Variants in DAB1 observed in about 807,000 individuals in gnomAD.
DAB1 encodes disabled homolog 1.
Under a neutral mutation model 64.6 loss-of-function variants are expected in DAB1, and 15 were observed. The ratio of observed to expected loss-of-function variants is 0.23; its 90% CI spans 0.16 to 0.36. The LOEUF is 0.36. Ranked by LOEUF, DAB1 falls within the 10% of genes least tolerant of loss-of-function variation. The pLI, the probability that DAB1 is intolerant of heterozygous loss-of-function variation, is 1.00. For missense variants in DAB1, 596 were observed against 706.7 expected, an observed-to-expected ratio of 0.84 and a Z score of 1.78; for synonymous variants, 235 against 251.9, an observed-to-expected ratio of 0.93 and a Z score of 0.64.
chr1:58,485,228 T>TTAAAAAAAAAA (rs533975015), intron 3 of DAB1, among the ~76,000 whole-genome samples: 2 of 42,038 alleles, frequency 4.8e-5, no homozygotes, highest in African/African-American at 9.7e-5. Context: ...AGTCTACTAC[T>TTAAAAAAAAAA]AAAAAAAAAA....
intron 7 of DAB1, among the ~76,000 whole-genome samples, chr1:57,636,096 C>CAAAAAAAAAAAAAAAAA (rs61007751): frequency 7.7e-5 from 5 of 64,988 alleles, no homozygotes; most frequent in African/African-American, 3.2e-4. Context: ...GACACGGTCT[C>CAAAAAAAAAAAAAAAAA]AAAAAAAAAA....
intron 6 of DAB1, among the ~76,000 whole-genome samples, chr1:57,760,546 G>T (rs954311511): frequency 1.3e-5 from 2 of 148,876 alleles, no homozygotes; most frequent in Admixed American, 1.4e-4. Context: ...TTTTCTCCCT[G>T]CCCTCTCCTC....
At chr1:58,267,350 C>T (rs1041452696) in intron 4 of DAB1, among the ~76,000 whole-genome samples, 13 of 152,282 alleles carry the variant, frequency 8.5e-5, no homozygotes, top group Non-Finnish European at 1.6e-4. Context: ...AAAGTGTCAC[C>T]GGGGTTCTTT....
rs184226386 is a variant in DAB1 at position 57,040,174 on chromosome 1, C to T, written c.724-14131G>A. The stretch of plus-strand genomic sequence containing the variant: ...TGTCCTTATTATTAAATACATGGCA[C>T]CCAACCCTACATCGTGGGGTTGGGG... On this transcript the variant is annotated intron_variant, in intron 9 of 14. Coordinates refer to ENST00000371236, the MANE Select transcript of DAB1 (RefSeq NM_001365792.1). Among the ~76,000 whole-genome samples the T allele has an allele frequency of 1.3e-3, 195 of 152,144 alleles. 1 individual carries two copies. Among genetic ancestry groups the T allele is most frequent in the African/African-American group, 4.4e-3 (184 of 41,486 alleles).
At chr1:57,758,756 T>G (rs1569593536) in intron 6 of DAB1, among the ~76,000 whole-genome samples, 1 of 152,250 alleles carries the variant, frequency 6.6e-6, no homozygotes, top group East Asian at 1.9e-4. Context: ...GTTTTGTTTT[T>G]TTTTTATTTT....
rs1433982613 is a variant in DAB1, at chr1:57,221,068, T to TA, written c.67+69895dup. ...TATACCATGGAATACTATGCAGCCA[T>TA]AAAAAAGGATGAGTTCATGTCCTTT... On this transcript the variant is annotated intron_variant, in intron 2 of 14. Transcript: ENST00000371236. Among the ~76,000 whole-genome samples the TA allele has an allele frequency of 1.3e-5, 2 of 152,094 alleles. 1 individual carries two copies. The highest frequency in any genetic ancestry group is 4.1e-4 in the South Asian group (2 of 4,822).
At chr1:58,458,929 A>G (rs1031246856) in intron 3 of DAB1, among the ~76,000 whole-genome samples, 2 of 152,188 alleles carry the variant, frequency 1.3e-5, no homozygotes, top group Admixed American at 1.3e-4. Context: ...CTCATTATAT[A>G]AGGATATTCA....
At chr1:58,098,542 T>C (rs1157632659) in intron 5 of DAB1, among the ~76,000 whole-genome samples, 2 of 152,310 alleles carry the variant, frequency 1.3e-5, no homozygotes, top group Admixed American at 6.5e-5. Flanking sequence ...CCAGGAGTCA[T>C]GAACTATTAT....
Position 57,075,610 on chromosome 1 carries a change from A to G in DAB1, c.307-3196T>C, listed in dbSNP as rs192426032. On this transcript the variant is annotated intron_variant, in intron 4 of 14. Transcript: ENST00000371236. ...CACATTCGCTTTAGAAACTTAGAGTATCATGCAAATTCTTGTTCACTGAGC... is the reference window on the plus strand; with the variant it reads ...CACATTCGCTTTAGAAACTTAGAGTGTCATGCAAATTCTTGTTCACTGAGC... 5.9e-5 allele frequency among the ~76,000 whole-genome samples: 9 copies of G among 152,332 alleles called. No individual in the cohort carries two copies. The East Asian group carries it at 1.7e-3, about 29-fold the overall frequency.
At chr1:57,442,350 A>G (rs1299757442) in intron 7 of DAB1, among the ~76,000 whole-genome samples, 3 of 152,214 alleles carry the variant, frequency 2.0e-5, no homozygotes, top group Non-Finnish European at 4.4e-5. Flanking sequence ...CTTTGATTCA[A>G]TCAGCTGTCT....
chr1:58,442,879 T>C (rs954928784), intron 3 of DAB1, among the ~76,000 whole-genome samples: 1 of 152,172 alleles, frequency 6.6e-6, no homozygotes. Flanking sequence ...AGTGAGACTC[T>C]GTCTCAGAAA....
intron 6 of DAB1, among the ~76,000 whole-genome samples, chr1:57,771,768 G>A (rs1424841517): frequency 1.3e-5 from 2 of 151,766 alleles, no homozygotes; most frequent in Non-Finnish European, 2.9e-5. Context: ...CCCAGCCCCA[G>A]GACACCAATG....
Position 57,503,362 on chromosome 1 carries a change from A to G in DAB1, n.625+146230T>C, listed in dbSNP as rs1179891712. ...CTCTAGGTCCTGCCAGTTAACACACATGACTTTCTCTCATTTGAACTGCCT... is the reference window on the plus strand; with the variant it reads ...CTCTAGGTCCTGCCAGTTAACACACGTGACTTTCTCTCATTTGAACTGCCT... On this transcript the variant is annotated intron_variant and non_coding_transcript_variant, in intron 7 of 20. Transcript: ENST00000485760. Among the ~76,000 whole-genome samples, 4 of 152,328 alleles carry G rather than the reference A, an allele frequency of 2.6e-5. No individual in the cohort carries two copies. The East Asian group carries it at 7.7e-4, about 29-fold the overall frequency.
intron 2 of DAB1, among the ~76,000 whole-genome samples, chr1:57,150,948 C>T (rs1309122149): frequency 6.6e-6 from 1 of 152,080 alleles, no homozygotes; most frequent in African/African-American, 2.4e-5. Context: ...TTGAGCCCAG[C>T]AGTTTGAAAC....
At chr1:57,207,029 C>T (rs946248379) in intron 2 of DAB1, among the ~76,000 whole-genome samples, 2 of 122,300 alleles carry the variant, frequency 1.6e-5, no homozygotes, top group Admixed American at 1.2e-4. Context: ...AGTGTAATGG[C>T]GCAGTCTCGG....
At chr1:57,147,886 C>G (rs1659298220) in intron 2 of DAB1, among the ~76,000 whole-genome samples, 1 of 152,206 alleles carries the variant, frequency 6.6e-6, no homozygotes. Context: ...TCCAAACTTA[C>G]TGAGTAGAAC....
chr1:58,535,589 C>CT (rs1282210648), intron 1 of DAB1, among the ~76,000 whole-genome samples: 1 of 98,430 alleles, frequency 1.0e-5, no homozygotes, highest in Admixed American at 1.3e-4. Flanking sequence ...GAGCAAGTCT[C>CT]TGTCTCAAAA....
intron 7 of DAB1, among the ~76,000 whole-genome samples, chr1:57,605,220 C>T (rs1470776409): frequency 6.6e-6 from 1 of 152,186 alleles, no homozygotes; most frequent in Non-Finnish European, 1.5e-5. Flanking sequence ...GGCCTGCTCC[C>T]AGAGTTATTT....
chr1:58,459,544 G>A (rs1645222741), intron 3 of DAB1, among the ~76,000 whole-genome samples: 1 of 152,206 alleles, frequency 6.6e-6, no homozygotes, highest in Admixed American at 6.5e-5. Context: ...CCTTTCCAAG[G>A]GCAAGAGGCC....
Sources: allele counts gnomAD v4.1 joint callset (sites outside exome capture counted in the v4.1 genomes callset), GRCh38; gene constraint gnomAD v4.1.1; transcripts MANE v1.5; gene names NCBI Gene and HGNC (gene_info 2026-07-23, HGNC 2026-07-21).